The following GATB variants were observed in gnomAD, a reference collection of about 807,000 sequenced individuals.
GATB encodes glutamyl-tRNA(Gln) amidotransferase subunit B, mitochondrial.
A neutral mutation model predicts 62.3 loss-of-function variants in GATB; 39 were observed. The observed-to-expected ratio is 0.63, with a 90% CI of 0.48 to 0.82. GATB has a LOEUF of 0.82. Among genes scored for constraint, GATB ranks in the 40% least tolerant of loss-of-function variants. The pLI is 0.00. For synonymous variants in GATB, 276 were observed against 258.9 expected (o/e 1.07, Z -0.63); for missense variants, 670 against 684.0 (o/e 0.98, Z 0.23).
chr4:151,714,804 A>C (rs1738882984), intron 5 of GATB, among the ~76,000 whole-genome samples: 1 of 152,258 alleles, frequency 6.6e-6, no homozygotes, highest in Non-Finnish European at 1.5e-5. Flanking sequence ...GGATTAAAAA[A>C]AAACTGGCAT....
At chr4:151,691,811 G>T (rs1297870382) in intron 9 of GATB, 1 of 152,258 alleles carries the variant, frequency 6.6e-6, no homozygotes, top group African/African-American at 2.4e-5. Flanking sequence ...TTACGAGAAG[G>T]AAACCTGATA....
chr4:151,679,752 T>C, intron 11 of GATB, 61 bp downstream of exon 11: 1 of 1,373,608 alleles, frequency 7.3e-7, no homozygotes. Flanking sequence ...CATTTGGGTG[T>C]CACAGAAAAC....
At chr4:151,759,796 A>C (rs1490288949) in intron 1 of GATB, among the ~76,000 whole-genome samples, 1 of 152,034 alleles carries the variant, frequency 6.6e-6, no homozygotes, top group Non-Finnish European at 1.5e-5. Context: ...ATATACATAT[A>C]TATATATATA....
Position 151,697,953 on chromosome 4 carries a change from GTATATATATATATA to G in GATB, c.1197+3362_1197+3375del, listed in dbSNP as rs56231389. The stretch of plus-strand genomic sequence containing the variant: ...TTCATATATATGTGTGTGTGTGTGT[GTATATATATATATA>G]TATATATATATATATATATATATAT... On this transcript the variant is annotated intron_variant, in intron 9 of 12. Transcript: ENST00000263985. Among the ~76,000 whole-genome samples, 84 of 40,596 alleles carry G rather than the reference GTATATATATATATA, an allele frequency of 2.1e-3. 4 individuals are homozygous for G. The highest frequency in any genetic ancestry group is 8.0e-3 in the East Asian group (9 of 1,132). The allele number at this position is 40,596 out of a possible 152,430, so 26.6% of individuals were successfully genotyped here. A position where few individuals can be genotyped will look rare whatever the true frequency, so the allele number is the denominator to read the frequency against.
intron 2 of GATB, among the ~76,000 whole-genome samples, chr4:151,749,559 A>G (rs994505548): frequency 6.6e-6 from 1 of 151,988 alleles, no homozygotes; most frequent in African/African-American, 2.4e-5. Flanking sequence ...CCTAATGTAA[A>G]TACACCAACA....
intron 2 of GATB, among the ~76,000 whole-genome samples, chr4:151,737,898 C>T (rs974307068): frequency 5.3e-5 from 8 of 152,278 alleles, no homozygotes; most frequent in Middle Eastern, 3.4e-3. Context: ...AGATTTCAGA[C>T]GATGTATAGA....
intron 9 of GATB, among the ~76,000 whole-genome samples, chr4:151,695,933 T>TC (rs1195350288): frequency 1.5e-5 from 2 of 136,290 alleles, no homozygotes; most frequent in Admixed American, 7.0e-5. Flanking sequence ...AATTTAAATT[T>TC]TTTTTTTTTT....
intron 7 of GATB, 76 bp from the exon 8 acceptor site, chr4:151,703,971 T>G (rs1045208862): frequency 2.0e-6 from 2 of 980,946 alleles, no homozygotes; most frequent in Non-Finnish European, 3.2e-6. Context: ...AGGGCTCCCC[T>G]ACCAATAAGG....
At chr4:151,747,384 T>C (rs1337977238) in intron 2 of GATB, among the ~76,000 whole-genome samples, 1 of 151,994 alleles carries the variant, frequency 6.6e-6, no homozygotes, top group African/African-American at 2.4e-5. Context: ...TGAAAAAGAG[T>C]CTTGAGAAAT....
chr4:151,714,875 G>A (rs1738884025), intron 5 of GATB, among the ~76,000 whole-genome samples: 1 of 152,172 alleles, frequency 6.6e-6, no homozygotes, highest in Non-Finnish European at 1.5e-5. Context: ...TCTCTGTAAA[G>A]AAACTTGTAG....
chr4:151,748,928 T>C (rs920789176), intron 2 of GATB, among the ~76,000 whole-genome samples: 7 of 152,306 alleles, frequency 4.6e-5, no homozygotes, highest in African/African-American at 1.7e-4. Flanking sequence ...TCACTGGCCA[T>C]CAGAGAAATG....
chr4:151,726,147 A>G (rs1739133259), intron 2 of GATB, among the ~76,000 whole-genome samples: 1 of 152,258 alleles, frequency 6.6e-6, no homozygotes, highest in African/African-American at 2.4e-5. Context: ...TTATGGAGAG[A>G]AAGCAATTAA....
chr4:151,672,159 C>G (rs941167899), intron 12 of GATB, among the ~76,000 whole-genome samples: 1 of 152,156 alleles, frequency 6.6e-6, no homozygotes, highest in Non-Finnish European at 1.5e-5. Context: ...AAAAATATCT[C>G]TAGACAATAT....
intron 2 of GATB, among the ~76,000 whole-genome samples, chr4:151,748,117 C>T (rs972480710): frequency 1.3e-5 from 2 of 152,132 alleles, no homozygotes; most frequent in Non-Finnish European, 2.9e-5. Context: ...CAATGCCATC[C>T]CCATCAAGCT....
At position 151,716,180 on chromosome 4, in the gene GATB, C is replaced by CA. The variant is rs764794594; in HGVS notation, c.641-50dup. 9.5e-6 allele frequency: 15 copies of CA among 1,576,130 alleles called. No homozygotes were observed. The East Asian group carries it at 3.0e-4, about 31-fold the overall frequency. ...CCTCACTGCAGCTCTCCAATTTCAC[C>CA]AACAGAAAAATTAGGCCTAAGTTTC... On this transcript the variant is annotated intron_variant, in intron 4 of 12. Transcript: ENST00000263985.
At chr4:151,689,799 T>C (rs902127606) in intron 9 of GATB, among the ~76,000 whole-genome samples, 2 of 152,144 alleles carry the variant, frequency 1.3e-5, no homozygotes, top group South Asian at 4.1e-4. Context: ...CTGCCACAAC[T>C]ATGCATACGA....
intron 11 of GATB, among the ~76,000 whole-genome samples, chr4:151,678,854 C>T (rs761434469): frequency 2.0e-5 from 3 of 151,680 alleles, no homozygotes; most frequent in Non-Finnish European, 2.9e-5. Flanking sequence ...AGGCAGCCAC[C>T]TTGGTGTTCT....
At chr4:151,727,786 A>G (rs1739165281) in intron 2 of GATB, among the ~76,000 whole-genome samples, 2 of 152,204 alleles carry the variant, frequency 1.3e-5, no homozygotes, top group African/African-American at 4.8e-5. Context: ...GAATTAAATA[A>G]AATAACTTCA....
intron 6 of GATB, among the ~76,000 whole-genome samples, chr4:151,707,237 C>T (rs1202922660): frequency 6.6e-6 from 1 of 152,176 alleles, no homozygotes; most frequent in Non-Finnish European, 1.5e-5. Flanking sequence ...TTTGTGGATC[C>T]TCTGATAAAG....
Sources: gnomAD v4.1 joint callset for allele counts (sites outside exome capture counted in the v4.1 genomes callset) on GRCh38, gnomAD v4.1.1 for gene constraint, MANE v1.5 for transcripts, NCBI Gene and HGNC (gene_info 2026-07-23, HGNC 2026-07-21) for gene names.